PDIA5: variants seen among roughly 807,000 people sequenced by gnomAD.
PDIA5 encodes protein disulfide isomerase family A member 5.
Under a neutral mutation model 77.6 loss-of-function variants are expected in PDIA5, and 58 were observed. The observed-to-expected ratio is 0.75, with a 90% CI of 0.61 to 0.93. PDIA5 has a LOEUF of 0.93. Ranked by LOEUF, PDIA5 falls within the 40% of genes least tolerant of loss-of-function variation. The pLI is 0.00. For missense variants in PDIA5, 630 were observed against 647.7 expected, an observed-to-expected ratio of 0.97 and a Z score of 0.30; for synonymous variants, 250 against 252.1, an observed-to-expected ratio of 0.99 and a Z score of 0.08.
intron 1 of PDIA5, among the ~76,000 whole-genome samples, chr3:123,075,603 A>G (rs1576431184): frequency 6.6e-6 from 1 of 152,060 alleles, no homozygotes; most frequent in Non-Finnish European, 1.5e-5. Flanking sequence ...AGGGATGAGC[A>G]ATGGAAGGAG....
chr3:123,076,271 G>C (rs1385513040), intron 1 of PDIA5, among the ~76,000 whole-genome samples: 1 of 152,134 alleles, frequency 6.6e-6, no homozygotes, highest in South Asian at 2.1e-4. Context: ...ACTGTTTTAG[G>C]CTTAATCCGA....
intron 7 of PDIA5, among the ~76,000 whole-genome samples, chr3:123,113,408 C>A (rs1183286094): frequency 1.3e-5 from 2 of 152,056 alleles, no homozygotes; most frequent in African/African-American, 2.4e-5. Flanking sequence ...GAGGTGAGCA[C>A]AGTTATCATC....
intron 3 of PDIA5, among the ~76,000 whole-genome samples, chr3:123,097,745 C>T (rs1934478249): frequency 6.6e-6 from 1 of 151,176 alleles, no homozygotes; most frequent in Non-Finnish European, 1.5e-5. Context: ...TTCTACGTTT[C>T]TTCTCCTACC....
chr3:123,115,337 C>G (rs924891154), intron 7 of PDIA5, among the ~76,000 whole-genome samples: 1 of 152,166 alleles, frequency 6.6e-6, no homozygotes, highest in African/African-American at 2.4e-5. Flanking sequence ...TAAGGTCACT[C>G]TAAAGTTTTA....
chr3:123,143,386 C>CAAAAAA (rs34525470), intron 11 of PDIA5, among the ~76,000 whole-genome samples: 1 of 101,920 alleles, frequency 9.8e-6, no homozygotes. Flanking sequence ...GACTCCATCT[C>CAAAAAA]AAAAAAAAAA....
intron 5 of PDIA5, among the ~76,000 whole-genome samples, chr3:123,105,233 G>A (rs899551405): frequency 6.6e-6 from 1 of 152,170 alleles, no homozygotes; most frequent in Non-Finnish European, 1.5e-5. Context: ...CAAAGTCAAT[G>A]TTTTCACATG....
At chr3:123,089,078 G>A (rs1427299533) in intron 1 of PDIA5, 90 bp from the exon 2 acceptor site, 1 of 1,286,552 alleles carries the variant, frequency 7.8e-7, no homozygotes, top group African/African-American at 1.5e-5. Flanking sequence ...TGGAAGTAAA[G>A]CAGCTCTAGG....
chr3:123,130,983 G>A (rs16833973), intron 11 of PDIA5, among the ~76,000 whole-genome samples: 1,730 of 152,290 alleles, frequency 0.011, 19 homozygotes, highest in Middle Eastern at 0.034. Context: ...AATAAAATTA[G>A]GGCTGATACC....
At chr3:123,155,846 G>A (rs530704187) in intron 15 of PDIA5, among the ~76,000 whole-genome samples, 12 of 152,196 alleles carry the variant, frequency 7.9e-5, no homozygotes, top group Admixed American at 7.9e-4. Context: ...TACTTTCCTG[G>A]GTGGAATCCC....
Position 123,089,255 on chromosome 3 carries a change from A to G in PDIA5, c.130A>G (p.Arg44Gly). ...CCCCAAGGACTTGAAAAAACTGCTC[A>G]GAACCCGGAATAATGTACTGGTGCT... ...SDPKDLKKLL[R>G]TRNNVLVLYS... The change falls in exon 2 of 17, where the codon AGA becomes GGA. Residue 44 changes from arginine (R) to glycine (G), a missense_variant. Arg to Gly is a moderately radical substitution (Grantham distance 125, BLOSUM62 -2). Transcript: ENST00000316218. 6.2e-7 allele frequency: 1 copy of G among 1,614,178 alleles called. No individual in the cohort carries two copies. The highest frequency in any genetic ancestry group is 8.5e-7 in the Non-Finnish European group (1 of 1,179,976).
chr3:123,101,562 A>C (rs1459997906), intron 3 of PDIA5, among the ~76,000 whole-genome samples: 1 of 152,208 alleles, frequency 6.6e-6, no homozygotes, highest in Admixed American at 6.5e-5. Flanking sequence ...GCCAGATTTC[A>C]TAACTTCTTC....
chr3:123,088,277 T>TC (rs145831139), intron 1 of PDIA5, among the ~76,000 whole-genome samples: 35 of 152,236 alleles, frequency 2.3e-4, no homozygotes, highest in Non-Finnish European at 3.2e-4. Context: ...AGCCCACCCT[T>TC]CATTGTGCCT....
chr3:123,116,985 C>T (rs969145635), intron 8 of PDIA5, among the ~76,000 whole-genome samples: 4 of 78,644 alleles, frequency 5.1e-5, no homozygotes, highest in Admixed American at 3.1e-4. Flanking sequence ...TGGGATGGGG[C>T]GGGGAGGTAG....
chr3:123,151,651 G>A (rs1666424711), intron 14 of PDIA5, among the ~76,000 whole-genome samples: 1 of 152,230 alleles, frequency 6.6e-6, no homozygotes. Flanking sequence ...CTGGCTGCTG[G>A]GACCGACAGG....
At chr3:123,073,042 G>T (rs1427136440) in intron 1 of PDIA5, among the ~76,000 whole-genome samples, 1 of 152,210 alleles carries the variant, frequency 6.6e-6, no homozygotes, top group African/African-American at 2.4e-5. Flanking sequence ...CATTCCTTCT[G>T]CCTGGCCATC....
chr3:123,140,875 C>T (rs2107976645), intron 11 of PDIA5, among the ~76,000 whole-genome samples: 1 of 152,322 alleles, frequency 6.6e-6, no homozygotes, highest in South Asian at 2.1e-4. Context: ...CTGGTATTGA[C>T]CCCAGCTGGC....
At chr3:123,098,236 G>A (rs145978886) in intron 3 of PDIA5, among the ~76,000 whole-genome samples, 3 of 152,148 alleles carry the variant, frequency 2.0e-5, no homozygotes, top group Admixed American at 1.3e-4. Flanking sequence ...TCCCGCCAGA[G>A]GTCGCTAATG....
intron 11 of PDIA5, among the ~76,000 whole-genome samples, chr3:123,139,430 T>G (rs540208329): frequency 2.6e-5 from 4 of 152,376 alleles, no homozygotes; most frequent in Non-Finnish European, 1.5e-5. Flanking sequence ...AAACTCTGTT[T>G]GCAGAAGTTT....
At chr3:123,126,317 C>G (rs1274571320) in intron 10 of PDIA5, among the ~76,000 whole-genome samples, 7 of 151,954 alleles carry the variant, frequency 4.6e-5, no homozygotes, top group African/African-American at 1.7e-4. Flanking sequence ...CTGGGTACCC[C>G]ATCCCCACTT....
Sources: allele counts gnomAD v4.1 joint callset (sites outside exome capture counted in the v4.1 genomes callset), GRCh38; gene constraint gnomAD v4.1.1; transcripts MANE v1.5; gene names NCBI Gene and HGNC (gene_info 2026-07-23, HGNC 2026-07-21).